CUL3: variants seen among roughly 807,000 people sequenced by gnomAD.
CUL3 encodes cullin 3.
Under a neutral mutation model 89.1 loss-of-function variants are expected in CUL3, and 19 were observed. The observed-to-expected ratio is 0.21, with a 90% confidence interval of 0.15 to 0.31. The LOEUF is 0.31. CUL3 is among the 10% of genes least tolerant of loss of function. The probability of loss-of-function intolerance (pLI) is 1.00; values close to 1 mark genes in which losing one functional copy is unlikely to be tolerated. For missense variants in CUL3, 469 were observed against 942.3 expected, an observed-to-expected ratio of 0.50 and a Z score of 6.58; for synonymous variants, 351 against 308.4, an observed-to-expected ratio of 1.14 and a Z score of -1.45.
chr2:224,514,162 T>G (rs1315443286), intron 4 of CUL3, among the ~76,000 whole-genome samples: 1 of 152,130 alleles, frequency 6.6e-6, no homozygotes, highest in Non-Finnish European at 1.5e-5. Context: ...AAAATGACAC[T>G]GCAATCATTG....
chr2:224,578,657 T>C (rs1162304025), intron 1 of CUL3, among the ~76,000 whole-genome samples: 4 of 152,150 alleles, frequency 2.6e-5, no homozygotes, highest in Non-Finnish European at 1.5e-5. Flanking sequence ...CAGTGATTTG[T>C]TCTTACTAGT....
intron 2 of CUL3, among the ~76,000 whole-genome samples, chr2:224,541,122 G>A (rs1169079869): frequency 1.3e-5 from 2 of 151,248 alleles, no homozygotes; most frequent in African/African-American, 2.4e-5. Context: ...GGACTCTACT[G>A]AAATTAAAAA....
intron 3 of CUL3, chr2:224,533,225 G>A (rs937503987): frequency 2.0e-5 from 3 of 152,170 alleles, no homozygotes; most frequent in African/African-American, 2.4e-5. Flanking sequence ...TGGTACTACC[G>A]AATGGGTTTG....
chr2:224,500,694 C>T (rs891892363), intron 10 of CUL3, among the ~76,000 whole-genome samples: 24 of 148,878 alleles, frequency 1.6e-4, no homozygotes, highest in Non-Finnish European at 1.3e-4. Flanking sequence ...GGCACGATCT[C>T]GGCTCACTGC....
At chr2:224,490,382 G>C (rs1250382762) in intron 13 of CUL3, among the ~76,000 whole-genome samples, 1 of 152,140 alleles carries the variant, frequency 6.6e-6, no homozygotes, top group East Asian at 1.9e-4. Context: ...GTGGACAGGT[G>C]ACTCACGTGA....
chr2:224,566,611 G>A (rs1237958011), intron 1 of CUL3, among the ~76,000 whole-genome samples: 1 of 152,112 alleles, frequency 6.6e-6, no homozygotes, highest in Non-Finnish European at 1.5e-5. Flanking sequence ...CTCTTCAATG[G>A]CAGAAGCTGC....
At chr2:224,501,745 T>C (rs1033518523) in intron 10 of CUL3, among the ~76,000 whole-genome samples, 2 of 152,146 alleles carry the variant, frequency 1.3e-5, no homozygotes, top group Non-Finnish European at 2.9e-5. Context: ...TGTTTATACA[T>C]TCGCAAGTTG....
Position 224,500,354 on chromosome 2 carries a change from T to C in CUL3, c.1610+9A>G, listed in dbSNP as rs769087614. ...GTACACAGTGATACAAAGTCTGATT[T>C]TGATTTACCTTCTGAATATCTCAAA... On this transcript the variant is annotated intron_variant, in intron 11 of 15. Transcript: ENST00000264414. The C allele has an allele frequency of 2.5e-6, 4 of 1,613,946 alleles. No individual in the cohort carries two copies. Among genetic ancestry groups the C allele is most frequent in the Non-Finnish European group, 2.5e-6 (3 of 1,179,878 alleles).
intron 3 of CUL3, among the ~76,000 whole-genome samples, chr2:224,529,692 C>T (rs574576559): frequency 6.6e-6 from 1 of 152,128 alleles, no homozygotes; most frequent in Admixed American, 6.5e-5. Flanking sequence ...TTTCAGGAGC[C>T]AAACAGGTAA....
At chr2:224,570,651 A>G in intron 1 of CUL3, among the ~76,000 whole-genome samples, 1 of 151,214 alleles carries the variant, frequency 6.6e-6, no homozygotes, top group East Asian at 1.9e-4. Context: ...AAGGAAAAAG[A>G]AAAAAAAAGA....
At chr2:224,512,710 TTA>T (rs1315954850) in intron 5 of CUL3, among the ~76,000 whole-genome samples, 3 of 152,212 alleles carry the variant, frequency 2.0e-5, no homozygotes, top group Non-Finnish European at 4.4e-5. Context: ...ATCCATATCC[TTA>T]TGTGTGTTTT....
intron 1 of CUL3, among the ~76,000 whole-genome samples, chr2:224,559,392 G>A (rs1335454254): frequency 6.7e-6 from 1 of 149,432 alleles, no homozygotes; most frequent in African/African-American, 2.5e-5. Context: ...GGCAGAGTTT[G>A]CAGGGATCCA....
intron 3 of CUL3, among the ~76,000 whole-genome samples, chr2:224,531,972 A>G (rs1177742439): frequency 6.6e-6 from 1 of 152,228 alleles, no homozygotes; most frequent in African/African-American, 2.4e-5. Flanking sequence ...AACAGACAAT[A>G]AAGAGAAAAC....
intron 2 of CUL3, among the ~76,000 whole-genome samples, chr2:224,555,694 T>TA (rs1694672872): frequency 6.6e-6 from 1 of 152,196 alleles, no homozygotes; most frequent in Admixed American, 6.5e-5. Context: ...CATCTCTATA[T>TA]AATTTCACAA....
intron 6 of CUL3, among the ~76,000 whole-genome samples, chr2:224,508,293 T>C (rs548241308): frequency 6.6e-6 from 1 of 152,296 alleles, no homozygotes; most frequent in South Asian, 2.1e-4. Flanking sequence ...AAATTTTAGT[T>C]AGTTTCCATT....
At position 224,544,639 on chromosome 2, in the gene CUL3, A is replaced by G. The variant is rs563497057; in HGVS notation, c.265-8998T>C. On this transcript the variant is annotated intron_variant, in intron 2 of 15. Coordinates refer to ENST00000264414, the MANE Select transcript of CUL3 (RefSeq NM_003590.5). ...TCACTTTATAAATTTTGCCAGTTAC[A>G]TGAATTTTAGTCTTCCAAGGAATGC... Among the ~76,000 whole-genome samples, 3 of 151,986 alleles carry G rather than the reference A, an allele frequency of 2.0e-5. No individual in the cohort carries two copies. The South Asian group carries it at 6.2e-4, about 32-fold the overall frequency.
At chr2:224,480,305 G>A (rs1427342012) in intron 14 of CUL3, among the ~76,000 whole-genome samples, 1 of 152,142 alleles carries the variant, frequency 6.6e-6, no homozygotes, top group African/African-American at 2.4e-5. Context: ...ATGTTACTGA[G>A]CCTTTGACAG....
intron 8 of CUL3, 43 bp downstream of exon 8, chr2:224,505,911 CTT>C: frequency 8.0e-7 from 1 of 1,251,210 alleles, no homozygotes; most frequent in South Asian, 1.8e-5. Context: ...AATTTTATAT[CTT>C]TAAATAAAAT....
intron 1 of CUL3, among the ~76,000 whole-genome samples, chr2:224,563,546 A>G (rs890462320): frequency 6.6e-6 from 1 of 152,198 alleles, no homozygotes; most frequent in Non-Finnish European, 1.5e-5. Flanking sequence ...CCTCCTATCT[A>G]CAGTTTCACC....
Sources: allele counts gnomAD v4.1 joint callset (sites outside exome capture counted in the v4.1 genomes callset), GRCh38; gene constraint gnomAD v4.1.1; transcripts MANE v1.5; gene names NCBI Gene and HGNC (gene_info 2026-07-23, HGNC 2026-07-21).